FLRT2: variants seen among roughly 807,000 people sequenced by gnomAD.
The protein encoded by FLRT2 is leucine-rich repeat transmembrane protein FLRT2.
FLRT2 carries 15 observed loss-of-function variants against 40.0 expected under a neutral mutation model. That is an observed-to-expected ratio of 0.38 (90% CI 0.25 to 0.58). The LOEUF (loss-of-function observed/expected upper bound fraction) is 0.58. FLRT2 is among the 20% of genes least tolerant of loss of function. The pLI is 0.71. For missense variants in FLRT2, 726 were observed against 840.0 expected (o/e 0.86, Z 1.68); for synonymous variants, 380 against 336.8 (o/e 1.13, Z -1.41).
chr14:85,600,872 C>T (rs953830581), intron 1 of FLRT2, among the ~76,000 whole-genome samples: 3 of 152,124 alleles, frequency 2.0e-5, no homozygotes, highest in Admixed American at 1.3e-4. Flanking sequence ...GAGTCTGTGA[C>T]TTATGTGTTA....
chr14:85,588,282 C>T (rs1431916264), intron 1 of FLRT2, among the ~76,000 whole-genome samples: 1 of 152,028 alleles, frequency 6.6e-6, no homozygotes, highest in Non-Finnish European at 1.5e-5. Flanking sequence ...AATAAAAATA[C>T]TTCCAATTCA....
chr14:85,595,952 T>G (rs1756308824), intron 1 of FLRT2, among the ~76,000 whole-genome samples: 1 of 152,060 alleles, frequency 6.6e-6, no homozygotes, highest in African/African-American at 2.4e-5. Flanking sequence ...TTGGTTGGAG[T>G]TGAGCTGTAC....
intron 1 of FLRT2, among the ~76,000 whole-genome samples, chr14:85,536,885 C>A (rs1888695321): frequency 6.6e-6 from 1 of 152,162 alleles, no homozygotes; most frequent in Admixed American, 6.5e-5. Flanking sequence ...AACACCAGAG[C>A]TATCCACTGC....
At chr14:85,569,509 AT>A (rs1048871889) in intron 1 of FLRT2, among the ~76,000 whole-genome samples, 3 of 152,202 alleles carry the variant, frequency 2.0e-5, no homozygotes, top group African/African-American at 7.2e-5. Context: ...CACTGGATGC[AT>A]TCAACTCAGT....
rs1163460302 is a variant in FLRT2, at chr14:85,623,005, T to C, written c.1491T>C (p.Asp497=). The change falls in exon 2 of 2, where the codon GAT becomes GAC. Residue 497 remains aspartate (D), a synonymous_variant. Coordinates refer to ENST00000330753, the MANE Select transcript of FLRT2 (RefSeq NM_013231.6). Reference sequence around the variant, plus strand: ...ATCGGATTTGTTTAGTGCCACTGGATGCTTTTAACTACCGCGCGGTAGAAG... The same window carrying C: ...ATCGGATTTGTTTAGTGCCACTGGACGCTTTTAACTACCGCGCGGTAGAAG... ...STYRICLVPL[D]AFNYRAVEDT... is the part of the protein sequence containing the mutation. 1.2e-6 allele frequency: 2 copies of C among 1,614,050 alleles called. No individual in the cohort carries two copies. The highest frequency in any genetic ancestry group is 1.1e-5 in the South Asian group (1 of 91,086).
At chr14:85,616,681 A>G (rs1000774573) in intron 1 of FLRT2, among the ~76,000 whole-genome samples, 6 of 152,102 alleles carry the variant, frequency 3.9e-5, no homozygotes, top group African/African-American at 9.7e-5. Context: ...CTGATACCTC[A>G]TGGGCTAGGG....
intron 1 of FLRT2, among the ~76,000 whole-genome samples, chr14:85,552,102 TA>T: frequency 6.6e-6 from 1 of 152,226 alleles, no homozygotes; most frequent in East Asian, 1.9e-4. Context: ...ATGTTGCCCC[TA>T]AAAAAATCTG....
intron 1 of FLRT2, among the ~76,000 whole-genome samples, chr14:85,601,326 G>A (rs1385210489): frequency 6.6e-6 from 1 of 152,188 alleles, no homozygotes; most frequent in Non-Finnish European, 1.5e-5. Flanking sequence ...TTTAAGCATT[G>A]CTTACAAGCC....
At chr14:85,599,987 A>G (rs1458825871) in intron 1 of FLRT2, among the ~76,000 whole-genome samples, 2 of 152,226 alleles carry the variant, frequency 1.3e-5, no homozygotes, top group Admixed American at 1.3e-4. Context: ...TGATACCTTC[A>G]GAATATCATC....
chr14:85,554,570 G>T (rs1889844712), intron 1 of FLRT2, among the ~76,000 whole-genome samples: 1 of 152,128 alleles, frequency 6.6e-6, no homozygotes, highest in South Asian at 2.1e-4. Flanking sequence ...AAATTGCTTA[G>T]AAATTCAGCT....
At chr14:85,570,451 T>C (rs1235025437) in intron 1 of FLRT2, among the ~76,000 whole-genome samples, 2 of 152,250 alleles carry the variant, frequency 1.3e-5, no homozygotes, top group African/African-American at 4.8e-5. Flanking sequence ...AAACATTGCA[T>C]AGGTGTGCTT....
intron 1 of FLRT2, among the ~76,000 whole-genome samples, chr14:85,581,997 T>A (rs1364723206): frequency 6.6e-6 from 1 of 152,190 alleles, no homozygotes; most frequent in East Asian, 1.9e-4. Context: ...TGAATGCAGT[T>A]TGGTATTAAC....
rs960417059 is a variant in FLRT2, at chr14:85,633,546, C to G, written c.*10049C>G. On this transcript the variant is annotated 3_prime_UTR_variant, in exon 2 of 2. Transcript: ENST00000330753. ...GAGCACAGTGGCTCATGCCTATAAT[C>G]GCAGTACTTTGGGAGGCCAAGGTGG... 1 of 151,784 alleles carries G rather than the reference C, an allele frequency of 6.6e-6. No individual in the cohort carries two copies. The highest frequency in any genetic ancestry group is 1.5e-5 in the Non-Finnish European group (1 of 67,986). The allele number at this position is 151,784 out of a possible 1,614,324, so 9.4% of individuals were successfully genotyped here.
Position 85,637,552 on chromosome 14 carries a change from C to G in FLRT2, c.*14055C>G, listed in dbSNP as rs974274547. On this transcript the variant is annotated 3_prime_UTR_variant, in exon 2 of 2. Coordinates refer to ENST00000330753, the MANE Select transcript of FLRT2 (RefSeq NM_013231.6). ...ATTCTTTCTTTCCACAATCGTCTGT[C>G]ACTCCCGGTAGAACTAAGTGATTTT... 1 of 152,202 alleles carries G rather than the reference C, an allele frequency of 6.6e-6. No homozygotes were observed. Among genetic ancestry groups the G allele is most frequent in the African/African-American group, 2.4e-5 (1 of 41,444 alleles). The allele number at this position is 152,202 out of a possible 1,614,324, so 9.4% of individuals were successfully genotyped here.
intron 1 of FLRT2, among the ~76,000 whole-genome samples, chr14:85,604,505 T>G (rs554047557): frequency 6.6e-6 from 1 of 152,216 alleles, no homozygotes; most frequent in East Asian, 1.9e-4. Context: ...ATTGTTCACT[T>G]TAAGGATTAA....
At chr14:85,544,170 C>T (rs1480499455) in intron 1 of FLRT2, among the ~76,000 whole-genome samples, 4 of 152,146 alleles carry the variant, frequency 2.6e-5, no homozygotes, top group Non-Finnish European at 5.9e-5. Context: ...CACCTTTCTG[C>T]CTTACTCTGA....
At chr14:85,583,454 C>A (rs1891478384) in intron 1 of FLRT2, among the ~76,000 whole-genome samples, 1 of 152,078 alleles carries the variant, frequency 6.6e-6, no homozygotes. Context: ...GCACTCTGTC[C>A]CATGAACAGA....
At chr14:85,586,603 C>T (rs1215383369) in intron 1 of FLRT2, among the ~76,000 whole-genome samples, 1 of 152,036 alleles carries the variant, frequency 6.6e-6, no homozygotes, top group Non-Finnish European at 1.5e-5. Context: ...AAAACTCACT[C>T]ATATTTATGT....
rs1405531898 is a variant in FLRT2 at position 85,639,682 on chromosome 14, C to T, written c.*16185C>T. On this transcript the variant is annotated 3_prime_UTR_variant, in exon 2 of 2. Transcript: ENST00000330753. ...TATTGATATTATTATGTGCATTACC[C>T]ATTTTAAAGATGGAAACACTGAAGC... is the stretch of plus-strand genomic sequence containing the variant. The T allele has an allele frequency of 1.1e-4, 16 of 152,082 alleles. No homozygotes were observed. The East Asian group carries it at 2.9e-3, about 28-fold the overall frequency. 9.4% of individuals were successfully genotyped at this position (152,082 alleles called of 1,614,324 possible). A position where few individuals can be genotyped will look rare whatever the true frequency, so the allele number is the denominator to read the frequency against.
Sources: gnomAD v4.1 joint callset for allele counts (sites outside exome capture counted in the v4.1 genomes callset) on GRCh38, gnomAD v4.1.1 for gene constraint, MANE v1.5 for transcripts, NCBI Gene and HGNC (gene_info 2026-07-23, HGNC 2026-07-21) for gene names.